CD99L2: variants seen among roughly 807,000 people sequenced by gnomAD.
CD99L2 encodes the protein CD99 molecule like 2.
A neutral mutation model predicts 27.3 loss-of-function variants in CD99L2; 24 were observed. That is an observed-to-expected ratio of 0.88 (90% CI 0.64 to 1.24). The LOEUF is 1.24. CD99L2 is among the 50% of genes most tolerant of loss of function. The pLI is 0.00. For synonymous variants in CD99L2, 97 were observed against 87.9 expected (o/e 1.10, Z -0.58); for missense variants, 255 against 221.6 (o/e 1.15, Z -0.96).
At chrX:150,867,652 G>A in intron 1 of CD99L2, among the ~76,000 whole-genome samples, 1 of 110,505 alleles carries the variant, frequency 9.0e-6, no homozygotes, top group East Asian at 2.9e-4. Flanking sequence ...CCAGCACTTT[G>A]GGAGGCCGAG....
intron 9 of CD99L2, chrX:150,771,677 C>T (rs1458570536): frequency 3.9e-6 from 3 of 760,625 alleles, no homozygotes; most frequent in Non-Finnish European, 5.8e-6. Context: ...GTCCTGGTTA[C>T]AGCCACGTCG....
chrX:150,786,110 T>C (rs2045589928), intron 7 of CD99L2, among the ~76,000 whole-genome samples: 2 of 111,848 alleles, frequency 1.8e-5, no homozygotes, highest in South Asian at 7.6e-4. Flanking sequence ...ACTCCACATC[T>C]TCATCAACAT....
In CD99L2 at chrX:150,831,260, T is replaced by C. The variant is rs1557421053; in HGVS notation, c.101A>G (p.Asp34Gly). The C allele has an allele frequency of 5.0e-6, 6 of 1,204,940 alleles. No individual in the cohort carries two copies. Among genetic ancestry groups the C allele is most frequent in the Non-Finnish European group, 6.7e-6 (6 of 891,942 alleles). ...SGDFDDFNLE[D>G]AVKETSSVKQ... ...TACTGAGGAAGTTTCTTTCACTGCATCCTCCAGGTTAAAATCATCAAAGTC... is the reference window on the plus strand; with the variant it reads ...TACTGAGGAAGTTTCTTTCACTGCACCCTCCAGGTTAAAATCATCAAAGTC... The change falls in exon 2 of 11, where the codon GAT becomes GGT. Residue 34 changes from aspartate to glycine, a missense_variant. By Grantham distance (94) the Asp-to-Gly change is moderately conservative (BLOSUM62 -1). Coordinates refer to ENST00000370377, the MANE Select transcript of CD99L2 (RefSeq NM_031462.4).
At chrX:150,780,698 G>A (rs370955454) in intron 7 of CD99L2, among the ~76,000 whole-genome samples, 2 of 110,431 alleles carry the variant, frequency 1.8e-5, no homozygotes, top group Admixed American at 9.6e-5. Flanking sequence ...AAAAAAAAGC[G>A]GGCAAAGAAC....
intron 3 of CD99L2, 134 bp from the exon 4 acceptor site, chrX:150,815,070 TG>T: frequency 1.8e-6 from 1 of 557,020 alleles, no homozygotes; most frequent in Non-Finnish European, 2.9e-6. Context: ...AGACTTATAT[TG>T]GAATCCAATT....
intron 1 of CD99L2, among the ~76,000 whole-genome samples, chrX:150,870,102 A>C (rs1161374656): frequency 1.8e-5 from 2 of 111,986 alleles, no homozygotes; most frequent in Non-Finnish European, 3.8e-5. Flanking sequence ...CAGGAAACAT[A>C]CGAATAAAGC....
At chrX:150,770,050 G>A (rs782511305) in intron 10 of CD99L2, among the ~76,000 whole-genome samples, 5 of 113,077 alleles carry the variant, frequency 4.4e-5, no homozygotes, top group South Asian at 3.6e-4. Context: ...TCGGACGGAC[G>A]AATCAAGGGC....
rs371662532 is a variant in CD99L2, at chrX:150,769,061, C to T, written c.762G>A (p.Pro254=). Residue 254 remains proline (P), a synonymous_variant, in exon 11 of 11, where the codon CCG becomes CCA. Transcript: ENST00000370377. The part of the protein sequence containing the change: ...STLHTQSAEP[P]PPPEPARI ...AGATCCGGGCTGGTTCGGGCGGCGG[C>T]GGCGGCTCTGCAGACTGCGTGTGCA... The T allele has an allele frequency of 1.5e-4, 174 of 1,156,446 alleles. No individual in the cohort carries two copies. The highest frequency in any genetic ancestry group is 1.3e-3 in the African/African-American group (68 of 53,366).
intron 1 of CD99L2, among the ~76,000 whole-genome samples, chrX:150,865,431 A>T (rs1357542805): frequency 8.9e-6 from 1 of 112,228 alleles, no homozygotes; most frequent in Non-Finnish European, 1.9e-5. Context: ...TGAGCCCAGG[A>T]GTTCAAGGCT....
intron 1 of CD99L2, among the ~76,000 whole-genome samples, chrX:150,852,604 T>C (rs1269581107): frequency 9.0e-6 from 1 of 110,650 alleles, no homozygotes; most frequent in Non-Finnish European, 1.9e-5. Context: ...CATTAAACAG[T>C]CCATCCTCCT....
intron 1 of CD99L2, among the ~76,000 whole-genome samples, chrX:150,871,372 C>T (rs1387099645): frequency 2.7e-5 from 3 of 111,743 alleles, no homozygotes; most frequent in African/African-American, 9.8e-5. Flanking sequence ...CAAGCAAATA[C>T]ATTCATGAAA....
chrX:150,851,103 T>G (rs2046785181), intron 1 of CD99L2, among the ~76,000 whole-genome samples: 1 of 111,801 alleles, frequency 8.9e-6, no homozygotes, highest in Non-Finnish European at 1.9e-5. Flanking sequence ...CCTCCCAAAG[T>G]GCTAGGATTA....
chrX:150,880,937 G>A (rs2047315455), intron 1 of CD99L2, among the ~76,000 whole-genome samples: 1 of 111,447 alleles, frequency 9.0e-6, no homozygotes, highest in South Asian at 3.8e-4. Flanking sequence ...TTCTGTCATG[G>A]TTGTTCTTAG....
intron 1 of CD99L2, among the ~76,000 whole-genome samples, chrX:150,849,171 C>T (rs1557421541): frequency 8.9e-6 from 1 of 111,854 alleles, no homozygotes; most frequent in East Asian, 2.8e-4. Flanking sequence ...CACCTGTGTA[C>T]ACAGTTAGGC....
rs193148887 is a variant in CD99L2, at chrX:150,847,783, C to T, written c.68-16490G>A. Among the ~76,000 whole-genome samples the T allele has an allele frequency of 4.9e-4, 54 of 111,104 alleles. 1 individual carries two copies. In the East Asian group the frequency reaches 0.013, roughly 27 times the overall value. On this transcript the variant is annotated intron_variant, in intron 1 of 10. Coordinates refer to ENST00000370377, the MANE Select transcript of CD99L2 (RefSeq NM_031462.4). ...TCCAAGCCAGAAAGCTGTACACTGT[C>T]CCGACATCTTCTCCTTCATTCTCCA...
intron 1 of CD99L2, among the ~76,000 whole-genome samples, chrX:150,892,816 T>G (rs782361870): frequency 9.1e-6 from 1 of 109,909 alleles, no homozygotes; most frequent in Non-Finnish European, 1.9e-5. Flanking sequence ...ATGGTTTCTG[T>G]GCACGTGTTT....
At chrX:150,862,602 A>G (rs1248615749) in intron 1 of CD99L2, among the ~76,000 whole-genome samples, 1 of 112,040 alleles carries the variant, frequency 8.9e-6, no homozygotes, top group African/African-American at 3.2e-5. Flanking sequence ...GTGTTGCTTT[A>G]AGCCTGTATG....
intron 4 of CD99L2, among the ~76,000 whole-genome samples, chrX:150,812,249 G>A (rs781815072): frequency 2.7e-5 from 3 of 112,109 alleles, no homozygotes; most frequent in Non-Finnish European, 5.6e-5. Flanking sequence ...AAAGGACTCT[G>A]TTAAGAGGAT....
chrX:150,776,462 T>C (rs782481430), intron 8 of CD99L2, among the ~76,000 whole-genome samples, 169 bp from the exon 9 acceptor site: 1 of 111,574 alleles, frequency 9.0e-6, no homozygotes, highest in Non-Finnish European at 1.9e-5. Flanking sequence ...TACAAAGACA[T>C]GGTGCCCCTT....
Sources: allele counts gnomAD v4.1 joint callset (sites outside exome capture counted in the v4.1 genomes callset), GRCh38; gene constraint gnomAD v4.1.1; transcripts MANE v1.5; gene names NCBI Gene and HGNC (gene_info 2026-07-23, HGNC 2026-07-21).